CNKSR2: variants seen among roughly 807,000 people sequenced by gnomAD.
The protein encoded by CNKSR2 is connector enhancer of kinase suppressor of Ras 2, also known as CNK homolog protein 2.
Under a neutral mutation model 84.4 loss-of-function variants are expected in CNKSR2, and 14 were observed. The ratio of observed to expected loss-of-function variants is 0.17; its 90% confidence interval spans 0.11 to 0.26. The LOEUF (loss-of-function observed/expected upper bound fraction) is 0.26. CNKSR2 is among the 10% of genes least tolerant of loss of function. The pLI is 1.00. For synonymous variants in CNKSR2, 275 were observed against 277.9 expected, an observed-to-expected ratio of 0.99 and a Z score of 0.10; for missense variants, 485 against 771.2, an observed-to-expected ratio of 0.63 and a Z score of 4.40.
intron 1 of CNKSR2, among the ~76,000 whole-genome samples, chrX:21,382,630 G>A (rs748436589): frequency 7.2e-5 from 8 of 111,128 alleles, no homozygotes; most frequent in Non-Finnish European, 1.5e-4. Flanking sequence ...CTGTTGTGAG[G>A]ATATCCTTTA....
chrX:21,416,792 C>G (rs1454322296), intron 1 of CNKSR2, among the ~76,000 whole-genome samples: 1 of 111,059 alleles, frequency 9.0e-6, no homozygotes, highest in Non-Finnish European at 1.9e-5. Context: ...CCGTTTTTAC[C>G]TCTGATTTTA....
chrX:21,522,911 A>G (rs1351276438), intron 9 of CNKSR2, among the ~76,000 whole-genome samples: 2 of 111,280 alleles, frequency 1.8e-5, no homozygotes, highest in Admixed American at 1.9e-4. Flanking sequence ...TCAAACTGAC[A>G]GTATGAAAAA....
At chrX:21,606,592 C>T (rs1012646735) in intron 18 of CNKSR2, 187 bp from the exon 19 acceptor site, 17 of 345,220 alleles carry the variant, frequency 4.9e-5, no homozygotes, top group Non-Finnish European at 7.0e-5. Flanking sequence ...GGTGATTGTA[C>T]ACTTACTTTC....
chrX:21,543,785 G>A (rs2147146847), intron 11 of CNKSR2, among the ~76,000 whole-genome samples: 1 of 111,887 alleles, frequency 8.9e-6, no homozygotes, highest in Non-Finnish European at 1.9e-5. Context: ...GATAACATAC[G>A]TCAAATACTT....
chrX:21,620,305 G>GTA (rs1310537163), intron 20 of CNKSR2, among the ~76,000 whole-genome samples: 1 of 109,932 alleles, frequency 9.1e-6, no homozygotes, highest in Non-Finnish European at 1.9e-5. Context: ...TTTTTTTAAT[G>GTA]TGTCAGTGGT....
chrX:21,421,551 A>G (rs2090496926), intron 1 of CNKSR2, among the ~76,000 whole-genome samples: 1 of 110,942 alleles, frequency 9.0e-6, no homozygotes. Flanking sequence ...CCTCTCGCCT[A>G]TTGTGAATAA....
intron 20 of CNKSR2, among the ~76,000 whole-genome samples, chrX:21,639,779 A>G (rs188949825): frequency 8.9e-6 from 1 of 111,874 alleles, no homozygotes; most frequent in East Asian, 2.8e-4. Context: ...AGAGGTCTCA[A>G]ACTGCAGTGG....
At chrX:21,547,471 A>T (rs1033048235) in intron 11 of CNKSR2, among the ~76,000 whole-genome samples, 1 of 110,990 alleles carries the variant, frequency 9.0e-6, no homozygotes, top group Non-Finnish European at 1.9e-5. Context: ...CTCCCACACA[A>T]TAATAATGGG....
At position 21,607,893 on chromosome X, in the gene CNKSR2, A is replaced by G. The variant is rs1337851706; in HGVS notation, c.2145+1014A>G. ...TTGGGACTAAGTCTTCCACATAGGA[A>G]ATAGAAGCTGGATTTAGGTGACAAC... On this transcript the variant is annotated intron_variant, in intron 19 of 21. Coordinates refer to ENST00000379510, the MANE Select transcript of CNKSR2 (RefSeq NM_014927.5). 3 of 111,285 alleles carry G rather than the reference A, an allele frequency of 2.7e-5. No individual in the cohort carries two copies. The East Asian group carries it at 8.4e-4, about 31-fold the overall frequency. The allele number at this position is 111,285 out of a possible 1,213,427, so 9.2% of individuals were successfully genotyped here. A position where few individuals can be genotyped will look rare whatever the true frequency, so the allele number is the denominator to read the frequency against.
At chrX:21,536,498 T>C (rs2091929238) in intron 11 of CNKSR2, among the ~76,000 whole-genome samples, 1 of 111,058 alleles carries the variant, frequency 9.0e-6, no homozygotes, top group South Asian at 3.7e-4. Flanking sequence ...AGTCATCTGG[T>C]CCTGGGCTTT....
chrX:21,587,858 G>C (rs2092398105), intron 13 of CNKSR2, among the ~76,000 whole-genome samples: 1 of 111,849 alleles, frequency 8.9e-6, no homozygotes, highest in Admixed American at 9.5e-5. Flanking sequence ...TGATTTGCTA[G>C]AAGAACTCAT....
intron 17 of CNKSR2, among the ~76,000 whole-genome samples, chrX:21,599,474 T>C (rs1602011332): frequency 9.2e-6 from 1 of 109,057 alleles, no homozygotes; most frequent in South Asian, 4.0e-4. Flanking sequence ...CAAGCAATTC[T>C]CGTGCCTCAG....
At chrX:21,599,329 T>A (rs1458080957) in intron 17 of CNKSR2, among the ~76,000 whole-genome samples, 1 of 95,750 alleles carries the variant, frequency 1.0e-5, no homozygotes, top group South Asian at 5.7e-4. Flanking sequence ...TCAGTGTTTT[T>A]TTTTGTTTTG....
chrX:21,463,986 C>A (rs958299933), intron 4 of CNKSR2, among the ~76,000 whole-genome samples: 5 of 111,863 alleles, frequency 4.5e-5, no homozygotes, highest in African/African-American at 9.7e-5. Flanking sequence ...GTGCCGCCCC[C>A]CTAGTCCACT....
rs774717290 is a variant in CNKSR2 at position 21,543,832 on chromosome X, C to CT, written c.1303+11773dup. On this transcript the variant is annotated intron_variant, in intron 11 of 21. Transcript: ENST00000379510. ...TTTTTTTCTTTTCTTTTCTTTTTTT[C>CT]TTTTTTTTGAGACAGGGTCTTGCCC... Among the ~76,000 whole-genome samples the CT allele has an allele frequency of 7.0e-4, 76 of 108,116 alleles. 1 individual carries two copies. The East Asian group carries it at 0.016, about 23-fold the overall frequency. The allele number at this position is 108,116 out of a possible 115,157, so 93.9% of individuals were successfully genotyped here.
At position 21,654,289 on chromosome X, in the gene CNKSR2, A is replaced by AC. The variant is rs1260138731; in HGVS notation, c.*1768_*1769insC. 48 of 106,360 alleles carry AC rather than the reference A, an allele frequency of 4.5e-4. No homozygotes were observed. Among genetic ancestry groups the AC allele is most frequent in the East Asian group, 1.2e-3 (4 of 3,398 alleles). 8.8% of individuals were successfully genotyped at this position (106,360 alleles called of 1,213,427 possible). On this transcript the variant is annotated 3_prime_UTR_variant, in exon 22 of 22. Coordinates refer to ENST00000379510, the MANE Select transcript of CNKSR2 (RefSeq NM_014927.5). ...TGTATATGTAAAAAAAAAAAAAAAA[A>AC]AAAAACAAAAAACCTCTTGTCCTAA...
At chrX:21,641,321 T>G (rs2092690835) in intron 20 of CNKSR2, among the ~76,000 whole-genome samples, 1 of 111,935 alleles carries the variant, frequency 8.9e-6, no homozygotes, top group Non-Finnish European at 1.9e-5. Flanking sequence ...AACCAAAGTT[T>G]AAAGCAAAAG....
chrX:21,454,317 T>G (rs963445784), intron 4 of CNKSR2, among the ~76,000 whole-genome samples: 2 of 112,168 alleles, frequency 1.8e-5, no homozygotes, highest in African/African-American at 6.5e-5. Context: ...TTTTGATGAT[T>G]TTATTCTTTG....
At chrX:21,377,554 A>T (rs754216691) in intron 1 of CNKSR2, among the ~76,000 whole-genome samples, 147 of 111,940 alleles carry the variant, frequency 1.3e-3, no homozygotes, top group African/African-American at 4.6e-3. Flanking sequence ...TCTTCAGAGG[A>T]TGCTCCTAAT....
Sources: allele counts gnomAD v4.1 joint callset (sites outside exome capture counted in the v4.1 genomes callset), GRCh38; gene constraint gnomAD v4.1.1; transcripts MANE v1.5; gene names NCBI Gene and HGNC (gene_info 2026-07-23, HGNC 2026-07-21).